Variants in SYT2 observed in about 807,000 individuals in gnomAD.
The protein encoded by SYT2 is synaptotagmin 2.
SYT2 carries 15 observed loss-of-function variants against 39.9 expected under a neutral mutation model. That is an observed-to-expected ratio of 0.38 (90% CI 0.25 to 0.58). The LOEUF is 0.58. Among genes scored for constraint, SYT2 ranks in the 20% least tolerant of loss-of-function variants. The pLI is 0.70. For synonymous variants in SYT2, 181 were observed against 204.5 expected (o/e 0.89, Z 0.98); for missense variants, 389 against 530.3 (o/e 0.73, Z 2.62).
rs1690311283 is a variant in SYT2 at position 202,596,752 on chromosome 1, G to T, written c.*5C>A. ...TGAAAGGTGTGGGGTCCCAGCCGCT[G>T]CTGTCTACTTGTTCTTGCCCAGGAG... On this transcript the variant is annotated 3_prime_UTR_variant, in exon 9 of 9. Coordinates refer to ENST00000367268, the MANE Select transcript of SYT2 (RefSeq NM_177402.5). The T allele has an allele frequency of 6.2e-7, 1 of 1,611,668 alleles. No homozygotes were observed. Among genetic ancestry groups the T allele is most frequent in the African/African-American group, 1.3e-5 (1 of 74,896 alleles).
At chr1:202,604,670 C>T (rs190147243) in intron 2 of SYT2, 49 bp from the exon 3 acceptor site, 30 of 1,577,234 alleles carry the variant, frequency 1.9e-5, no homozygotes, top group African/African-American at 1.3e-4. Flanking sequence ...TGCCTTGCAG[C>T]CCCTGACCCC....
chr1:202,645,724 C>G (rs1184285007), intron 1 of SYT2, among the ~76,000 whole-genome samples: 1 of 152,202 alleles, frequency 6.6e-6, no homozygotes, highest in Non-Finnish European at 1.5e-5. Flanking sequence ...CTCCAATGTG[C>G]CCTTTCCCCT....
At position 202,599,159 on chromosome 1, in the gene SYT2, C is replaced by G; in HGVS notation, c.1053+59G>C. On this transcript the variant is annotated intron_variant, in intron 8 of 8. Transcript: ENST00000367268. This position sits in a 1 kb window ranked among gnomAD's most constrained non-coding sequence, Gnocchi z 4.4. ...GGTGAGTTCCCTCTCTTCAACCTCCCCATACATGTTTGCCTCCCCAAACCC... is the reference window on the plus strand; with the variant it reads ...GGTGAGTTCCCTCTCTTCAACCTCCGCATACATGTTTGCCTCCCCAAACCC... The G allele has an allele frequency of 6.2e-7, 1 of 1,600,684 alleles. No homozygotes were observed. Among genetic ancestry groups the G allele is most frequent in the Middle Eastern group, 1.8e-4 (1 of 5,512 alleles).
intron 1 of SYT2, among the ~76,000 whole-genome samples, chr1:202,662,575 G>T (rs1050977080): frequency 6.6e-6 from 1 of 152,210 alleles, no homozygotes; most frequent in African/African-American, 2.4e-5. Flanking sequence ...CGGATGGAGC[G>T]GGGTGGGTGG....
intron 3 of SYT2, among the ~76,000 whole-genome samples, chr1:202,603,700 C>G (rs1289337638): frequency 6.6e-6 from 1 of 152,210 alleles, no homozygotes; most frequent in Admixed American, 6.5e-5. Context: ...CCAACACACT[C>G]TCACACTCAC....
At chr1:202,635,621 A>AGAC (rs1463507313) in intron 1 of SYT2, among the ~76,000 whole-genome samples, 1 of 152,182 alleles carries the variant, frequency 6.6e-6, no homozygotes, top group Non-Finnish European at 1.5e-5. Context: ...CTCCAGAAGC[A>AGAC]GACATTTCTA....
intron 1 of SYT2, among the ~76,000 whole-genome samples, chr1:202,616,259 C>T (rs1472502982): frequency 1.3e-5 from 2 of 152,208 alleles, no homozygotes; most frequent in Non-Finnish European, 2.9e-5. Context: ...CTCCTGACCC[C>T]TTGTGAGTTG....
At chr1:202,684,887 T>A (rs763306252) in intron 1 of SYT2, among the ~76,000 whole-genome samples, 1 of 152,090 alleles carries the variant, frequency 6.6e-6, no homozygotes, top group Non-Finnish European at 1.5e-5. Flanking sequence ...CCAACCCCCC[T>A]CTCTGGCACC....
In SYT2 at chr1:202,710,234, C is replaced by T. The variant is rs970015778; in HGVS notation, c.-18+24G>A. 6 of 152,488 alleles carry T rather than the reference C, an allele frequency of 3.9e-5. No individual in the cohort carries two copies. In the East Asian group the frequency reaches 1.2e-3, roughly 30 times the overall value. 9.4% of individuals were successfully genotyped at this position (152,488 alleles called of 1,614,324 possible). The stretch of plus-strand genomic sequence containing the variant: ...ACTTTGGAGAGGGAGGTCCGTGCCC[C>T]CACCGGCGGGGGTATGGACTTACCG... On this transcript the variant is annotated intron_variant, in intron 1 of 8. Coordinates refer to ENST00000367268, the MANE Select transcript of SYT2 (RefSeq NM_177402.5).
intron 1 of SYT2, among the ~76,000 whole-genome samples, chr1:202,697,214 A>G (rs1045738263): frequency 6.6e-6 from 1 of 152,234 alleles, no homozygotes; most frequent in Non-Finnish European, 1.5e-5. Context: ...CATAACTACA[A>G]GGCACCAAGC....
chr1:202,600,772 C>T (rs896766606), intron 6 of SYT2, among the ~76,000 whole-genome samples: 40 of 152,096 alleles, frequency 2.6e-4, no homozygotes, highest in African/African-American at 9.4e-4. Context: ...GGGAGGGATC[C>T]CTGGGTGGAT....
intron 1 of SYT2, among the ~76,000 whole-genome samples, chr1:202,621,322 G>A (rs746681619): frequency 4.6e-5 from 7 of 152,238 alleles, no homozygotes; most frequent in Admixed American, 6.5e-5. Flanking sequence ...TACAGACAGC[G>A]TCTCACTCTG....
intron 1 of SYT2, among the ~76,000 whole-genome samples, chr1:202,660,379 A>G (rs1417160): frequency 0.48 from 72,502 of 152,074 alleles, 18,233 homozygotes; most frequent in East Asian, 0.79. Flanking sequence ...CAATGCATGT[A>G]TGCCCTCAGC....
chr1:202,652,068 C>G (rs1381933182), intron 1 of SYT2, among the ~76,000 whole-genome samples: 3 of 152,178 alleles, frequency 2.0e-5, no homozygotes, highest in Non-Finnish European at 4.4e-5. Flanking sequence ...GTAAGTCACA[C>G]AGCAAGTCTG....
intron 1 of SYT2, among the ~76,000 whole-genome samples, chr1:202,655,079 C>G (rs1457457851): frequency 6.6e-6 from 1 of 151,966 alleles, no homozygotes; most frequent in Non-Finnish European, 1.5e-5. Context: ...CAGGTGTGAA[C>G]AAGAGGGTAA....
chr1:202,695,711 G>A (rs1653957396), intron 1 of SYT2, among the ~76,000 whole-genome samples: 1 of 152,196 alleles, frequency 6.6e-6, no homozygotes. Context: ...AACGTGAGGA[G>A]AAGAGATTCA....
intron 1 of SYT2, among the ~76,000 whole-genome samples, chr1:202,626,398 C>CTTTTTTT (rs58802666): frequency 1.4e-5 from 1 of 72,432 alleles, no homozygotes; most frequent in Non-Finnish European, 2.7e-5. Context: ...AGCCTCTCAG[C>CTTTTTTT]TTTTTTTTTT....
chr1:202,610,677 C>A (rs1057459562), intron 1 of SYT2, among the ~76,000 whole-genome samples: 4 of 152,026 alleles, frequency 2.6e-5, no homozygotes, highest in Admixed American at 6.6e-5. Context: ...TATACACCAA[C>A]AACAGACAAA....
intron 1 of SYT2, among the ~76,000 whole-genome samples, chr1:202,650,382 T>A (rs1692167606): frequency 6.6e-6 from 1 of 151,890 alleles, no homozygotes; most frequent in African/African-American, 2.4e-5. Context: ...TACGTGTACG[T>A]CTCTTCCAGA....
Sources: gnomAD v4.1 joint callset for allele counts (sites outside exome capture counted in the v4.1 genomes callset) on GRCh38, gnomAD v4.1.1 for gene constraint, Gnocchi (gnomAD v3.1) non-coding constraint, MANE v1.5 for transcripts, NCBI Gene and HGNC (gene_info 2026-07-23, HGNC 2026-07-21) for gene names.